PUDP: variants seen among roughly 807,000 people sequenced by gnomAD.
The protein encoded by PUDP is pseudouridine 5'-phosphatase.
Under a neutral mutation model 9.4 loss-of-function variants are expected in PUDP, and 8 were observed. The ratio of observed to expected loss-of-function variants is 0.85; its 90% CI spans 0.50 to 1.53. The LOEUF is 1.53. Ranked by LOEUF, PUDP falls within the 40% of genes most tolerant of loss-of-function variation. The pLI is 0.00. For synonymous variants in PUDP, 99 were observed against 80.7 expected (o/e 1.23, Z -1.22); for missense variants, 188 against 189.7 (o/e 0.99, Z 0.05).
chrX:6,894,648 T>C lies in PUDP; in HGVS notation c.*247+82485A>G, dbSNP rs575184926. Among the ~76,000 whole-genome samples, 23 of 111,578 alleles carry C rather than the reference T, an allele frequency of 2.1e-4. No homozygotes were observed. In the South Asian group the frequency reaches 7.6e-3, roughly 37 times the overall value. On this transcript the variant is annotated intron_variant and NMD_transcript_variant, in intron 3 of 3. Coordinates refer to the PUDP transcript ENST00000655425. ...GCAGTTTGCAATCATTTGTGTGAAG[T>C]GGATCTCCAGGCTAGTCCTCAGGTT...
intron 2 of PUDP, among the ~76,000 whole-genome samples, chrX:7,079,384 T>G (rs1486110995): frequency 8.9e-6 from 1 of 112,258 alleles, no homozygotes; most frequent in African/African-American, 3.2e-5. Context: ...AGTTTAAAAC[T>G]CCTCTATCAG....
At position 6,769,992 on chromosome X, in the gene PUDP, G is replaced by A. The variant is rs776099728; in HGVS notation, c.*248-63526C>T. On this transcript the variant is annotated intron_variant and NMD_transcript_variant, in intron 3 of 3. Transcript: ENST00000655425. ...CTGTTTCAGTCATGACAAGCTTCAA[G>A]GACAGGTGACTAGGGTGACTTAAAT... Among the ~76,000 whole-genome samples, 257 of 112,382 alleles carry A rather than the reference G, an allele frequency of 2.3e-3. 1 individual carries two copies. The highest frequency in any genetic ancestry group is 7.8e-3 in the African/African-American group (243 of 30,992).
chrX:6,837,891 C>A (rs369133708), intron 3 of PUDP, among the ~76,000 whole-genome samples: 4 of 98,911 alleles, frequency 4.0e-5, no homozygotes, highest in African/African-American at 1.1e-4. Context: ...CTATTTCTAC[C>A]AAAAAAAAAA....
chrX:6,781,079 G>A (rs141726223), intron 3 of PUDP, among the ~76,000 whole-genome samples: 15 of 109,944 alleles, frequency 1.4e-4, no homozygotes, highest in Non-Finnish European at 2.5e-4. Flanking sequence ...GTAAGAGGGA[G>A]GACAGCATTA....
chrX:6,946,088 C>A (rs1928460871), intron 3 of PUDP, among the ~76,000 whole-genome samples: 1 of 111,241 alleles, frequency 9.0e-6, no homozygotes, highest in Non-Finnish European at 1.9e-5. Flanking sequence ...AGCAACCAAC[C>A]AGTATTTCTT....
intron 2 of PUDP, among the ~76,000 whole-genome samples, chrX:6,977,616 A>C (rs1044639537): frequency 2.7e-5 from 3 of 112,155 alleles, no homozygotes; most frequent in African/African-American, 9.7e-5. Context: ...CAACATTACT[A>C]AAGTGAGAGC....
At chrX:7,062,696 GTGGGGAGGGAAGC>G (rs1393005140) in intron 3 of PUDP, among the ~76,000 whole-genome samples, 1 of 109,444 alleles carries the variant, frequency 9.1e-6, no homozygotes, top group Admixed American at 9.8e-5. Flanking sequence ...TACGAGGTGG[GTGGGGAGGGAAGC>G]TGGGGAGGGT....
chrX:6,876,455 CACAT>C (rs1387305897), intron 3 of PUDP, among the ~76,000 whole-genome samples: 1 of 108,846 alleles, frequency 9.2e-6, no homozygotes, highest in Non-Finnish European at 1.9e-5. Flanking sequence ...TACAGTCACA[CACAT>C]ATATATGTAT....
At chrX:6,803,284 C>T (rs968552749) in intron 3 of PUDP, among the ~76,000 whole-genome samples, 7 of 109,999 alleles carry the variant, frequency 6.4e-5, no homozygotes, top group East Asian at 2.9e-4. Flanking sequence ...AAGTATCACA[C>T]GGCAACAATA....
chrX:6,779,911 A>T (rs946875061), intron 3 of PUDP, among the ~76,000 whole-genome samples: 4 of 111,320 alleles, frequency 3.6e-5, no homozygotes, highest in African/African-American at 1.3e-4. Context: ...TGGGCAACAC[A>T]GAGAGACCCT....
At chrX:7,067,633 T>C (rs1930603253) in intron 3 of PUDP, among the ~76,000 whole-genome samples, 1 of 111,683 alleles carries the variant, frequency 9.0e-6, no homozygotes. Context: ...TGGCAGGAGA[T>C]GGAGACAAGG....
At chrX:6,911,665 G>T (rs1457447557) in intron 3 of PUDP, among the ~76,000 whole-genome samples, 1 of 110,806 alleles carries the variant, frequency 9.0e-6, no homozygotes, top group Middle Eastern at 4.3e-3. Context: ...TTTAATGTTT[G>T]AATTGCCTTT....
rs1930029912 is a variant in PUDP, at chrX:7,049,272, A to G, written c.*1024T>C. 8.9e-6 allele frequency: 1 copy of G among 112,366 alleles called. No individual in the cohort carries two copies. The highest frequency in any genetic ancestry group is 3.2e-5 in the African/African-American group (1 of 30,895). 9.3% of individuals were successfully genotyped at this position (112,366 alleles called of 1,213,427 possible). A position where few individuals can be genotyped will look rare whatever the true frequency, so the allele number is the denominator to read the frequency against. ...GGCTACCACCGTTTTTCTCTGGCAA[A>G]TCAGAGACGAATTTTAAAGACTGAG... On this transcript the variant is annotated 3_prime_UTR_variant, in exon 4 of 4. Coordinates refer to ENST00000381077, the MANE Select transcript of PUDP (RefSeq NM_012080.5).
At chrX:6,779,027 G>A (rs1837786327) in intron 3 of PUDP, among the ~76,000 whole-genome samples, 1 of 111,830 alleles carries the variant, frequency 8.9e-6, no homozygotes, top group African/African-American at 3.3e-5. Context: ...CAGCAGGATT[G>A]AAATATACTA....
chrX:6,890,193 T>A (rs758119613), intron 3 of PUDP, among the ~76,000 whole-genome samples: 9 of 111,855 alleles, frequency 8.0e-5, no homozygotes, highest in Middle Eastern at 4.6e-3. Flanking sequence ...CAAGTATGCA[T>A]CGCCTTTGAA....
intron 3 of PUDP, among the ~76,000 whole-genome samples, chrX:6,897,775 A>T (rs1221615549): frequency 9.0e-6 from 1 of 111,062 alleles, no homozygotes; most frequent in Non-Finnish European, 1.9e-5. Context: ...GTGTCTTCGC[A>T]TGGTGGGAGG....
intron 3 of PUDP, among the ~76,000 whole-genome samples, chrX:6,864,713 T>C (rs868595180): frequency 4.5e-5 from 5 of 111,928 alleles, no homozygotes; most frequent in East Asian, 2.8e-4. Flanking sequence ...CTGATATTCC[T>C]TGCCTCCTGG....
intron 1 of PUDP, among the ~76,000 whole-genome samples, chrX:7,123,786 A>AG (rs1318779361): frequency 4.5e-5 from 5 of 112,122 alleles, no homozygotes; most frequent in Non-Finnish European, 9.4e-5. Flanking sequence ...ACTAAAAAAA[A>AG]CCAAACAATT....
At chrX:7,052,496 A>G (rs11095340) in intron 3 of PUDP, among the ~76,000 whole-genome samples, 1 of 111,201 alleles carries the variant, frequency 9.0e-6, no homozygotes, top group Admixed American at 9.5e-5. Flanking sequence ...AAAACACTGA[A>G]ACACACACAC....
Sources: gnomAD v4.1 joint callset for allele counts (sites outside exome capture counted in the v4.1 genomes callset) on GRCh38, gnomAD v4.1.1 for gene constraint, MANE v1.5 for transcripts, NCBI Gene and HGNC (gene_info 2026-07-23, HGNC 2026-07-21) for gene names.